ARFIP1: variants seen among roughly 807,000 people sequenced by gnomAD.
ARFIP1 encodes the protein ARF interacting protein 1.
In ARFIP1, 24 loss-of-function variants were observed where a neutral mutation model predicts 42.5. The observed-to-expected ratio is 0.57, with a 90% confidence interval of 0.41 to 0.80. The LOEUF (loss-of-function observed/expected upper bound fraction) is 0.80. ARFIP1 is among the 30% of genes least tolerant of loss of function. The pLI is 0.00. For synonymous variants in ARFIP1, 141 were observed against 153.7 expected (o/e 0.92, Z 0.61); for missense variants, 354 against 434.0 (o/e 0.82, Z 1.64).
At chr4:152,810,624 T>C (rs1197265726) in intron 1 of ARFIP1, among the ~76,000 whole-genome samples, 10 of 151,510 alleles carry the variant, frequency 6.6e-5, no homozygotes, top group Admixed American at 5.3e-4. Flanking sequence ...CTGGCTAACA[T>C]GGTGAAACCC....
intron 1 of ARFIP1, among the ~76,000 whole-genome samples, chr4:152,812,587 C>T (rs1729556508): frequency 6.6e-6 from 1 of 152,164 alleles, no homozygotes; most frequent in African/African-American, 2.4e-5. Flanking sequence ...TGATGATTTC[C>T]AGGTTTATGT....
At chr4:152,889,727 ATATATACTATACTATATATACTATATAT>A (rs1736609678) in intron 8 of ARFIP1, among the ~76,000 whole-genome samples, 1 of 123,242 alleles carries the variant, frequency 8.1e-6, no homozygotes, top group Admixed American at 9.6e-5. Flanking sequence ...AATATATACT[ATATATACTATACTATATATACTATATAT>A]TATATACTAT....
intron 4 of ARFIP1, 121 bp from the exon 5 acceptor site, chr4:152,872,331 G>C (rs1049645049): frequency 1.0e-4 from 62 of 597,542 alleles, no homozygotes; most frequent in South Asian, 1.9e-4. Context: ...TTTACTTTGT[G>C]GGAACCTTTT....
intron 2 of ARFIP1, among the ~76,000 whole-genome samples, chr4:152,831,250 A>C (rs749992476): frequency 6.6e-6 from 1 of 152,208 alleles, no homozygotes; most frequent in Admixed American, 6.5e-5. Context: ...TTACTATGCA[A>C]GTATTTACTG....
chr4:152,875,993 G>T (rs575942571), intron 5 of ARFIP1, among the ~76,000 whole-genome samples: 6 of 151,850 alleles, frequency 4.0e-5, no homozygotes, highest in Non-Finnish European at 8.8e-5. Flanking sequence ...AGTACCTTTC[G>T]CCTCCTGCCA....
chr4:152,803,966 T>C (rs899690526), intron 1 of ARFIP1, among the ~76,000 whole-genome samples: 1 of 121,440 alleles, frequency 8.2e-6, no homozygotes, highest in African/African-American at 2.8e-5. Flanking sequence ...TGTATATATA[T>C]AACATGTATT....
chr4:152,867,360 G>A (rs1415935008), intron 3 of ARFIP1, among the ~76,000 whole-genome samples: 1 of 152,176 alleles, frequency 6.6e-6, no homozygotes, highest in Non-Finnish European at 1.5e-5. Flanking sequence ...GTCAGGCATG[G>A]CGGTGCGTGC....
chr4:152,849,335 G>C (rs1164547841), intron 2 of ARFIP1, among the ~76,000 whole-genome samples: 1 of 151,998 alleles, frequency 6.6e-6, no homozygotes, highest in Admixed American at 6.6e-5. Flanking sequence ...AAGGTTGAAG[G>C]CTTATCTGTC....
At chr4:152,850,506 G>A (rs1035203437) in intron 2 of ARFIP1, 2 of 152,038 alleles carry the variant, frequency 1.3e-5, no homozygotes, top group Non-Finnish European at 2.9e-5. Context: ...CACAGGAAAC[G>A]GGGGGGTTGG....
chr4:152,806,928 T>A (rs892402672), intron 1 of ARFIP1, among the ~76,000 whole-genome samples: 2 of 151,918 alleles, frequency 1.3e-5, no homozygotes, highest in Admixed American at 1.3e-4. Context: ...AACCTTGAAC[T>A]CTCAGGCTCA....
At chr4:152,809,539 T>G (rs1729283183) in intron 1 of ARFIP1, 1 of 152,186 alleles carries the variant, frequency 6.6e-6, no homozygotes, top group African/African-American at 2.4e-5. Context: ...TGATAATCGT[T>G]GGCATGTACA....
intron 5 of ARFIP1, among the ~76,000 whole-genome samples, chr4:152,875,477 G>T (rs956249165): frequency 2.7e-5 from 4 of 145,978 alleles, no homozygotes; most frequent in South Asian, 2.2e-4. Context: ...TTAAGAATTT[G>T]CCATTAGCAT....
At chr4:152,789,586 G>T (rs1399477666) in intron 1 of ARFIP1, among the ~76,000 whole-genome samples, 7 of 152,066 alleles carry the variant, frequency 4.6e-5, no homozygotes, top group African/African-American at 1.7e-4. Flanking sequence ...CCTCTTTAAG[G>T]GTGAAGTGTC....
intron 4 of ARFIP1, among the ~76,000 whole-genome samples, 170 bp from the exon 5 acceptor site, chr4:152,872,282 T>A (rs1734950755): frequency 6.6e-6 from 1 of 152,194 alleles, no homozygotes. Flanking sequence ...TTTAAGTAAT[T>A]AGGAAACTAT....
At chr4:152,870,585 C>G (rs1734794997) in intron 3 of ARFIP1, among the ~76,000 whole-genome samples, 168 bp from the exon 4 acceptor site, 1 of 152,178 alleles carries the variant, frequency 6.6e-6, no homozygotes, top group African/African-American at 2.4e-5. Context: ...AGCCTGGTAG[C>G]ATACATTTAT....
chr4:152,794,213 AC>A (rs1169645170), intron 1 of ARFIP1, among the ~76,000 whole-genome samples: 11 of 152,148 alleles, frequency 7.2e-5, no homozygotes. Context: ...ATTTTCAACT[AC>A]TGTCTGTTTT....
intron 1 of ARFIP1, among the ~76,000 whole-genome samples, chr4:152,793,327 G>GATAT (rs915022932): frequency 8.3e-5 from 12 of 143,732 alleles, no homozygotes; most frequent in South Asian, 2.2e-4. Context: ...AAAAAAAAAT[G>GATAT]ATATATATAT....
rs1166666072 is a variant in ARFIP1, at chr4:152,804,430, A to AAT, written c.-10+24208_-10+24209dup. On this transcript the variant is annotated intron_variant, in intron 1 of 8. Transcript: ENST00000353617. ...ATAACATGTATTATATATTATATAT[A>AAT]ATATAACATGTATTATATATATTAT... is the stretch of plus-strand genomic sequence containing the variant. Among the ~76,000 whole-genome samples the AAT allele has an allele frequency of 8.3e-5, 9 of 108,980 alleles. No homozygotes were observed. In the South Asian group the frequency reaches 1.2e-3, roughly 15 times the overall value. The allele number at this position is 108,980 out of a possible 152,430, so 71.5% of individuals were successfully genotyped here.
At chr4:152,829,324 AT>A (rs138750069) in intron 1 of ARFIP1, among the ~76,000 whole-genome samples, 8 of 150,690 alleles carry the variant, frequency 5.3e-5, no homozygotes, top group South Asian at 2.1e-4. Flanking sequence ...GCTTTCTGTA[AT>A]TTTTTTTTTC....
Sources: allele counts gnomAD v4.1 joint callset (sites outside exome capture counted in the v4.1 genomes callset), GRCh38; gene constraint gnomAD v4.1.1; transcripts MANE v1.5; gene names NCBI Gene and HGNC (gene_info 2026-07-23, HGNC 2026-07-21).